The following FOCAD variants were observed in gnomAD, a reference collection of about 807,000 sequenced individuals.
The protein encoded by FOCAD is KIAA1797.
Under a neutral mutation model 225.6 loss-of-function variants are expected in FOCAD, and 198 were observed. The ratio of observed to expected loss-of-function variants is 0.88; its 90% confidence interval spans 0.78 to 0.99. FOCAD has a LOEUF of 0.99. FOCAD is among the 50% of genes least tolerant of loss of function. The probability of loss-of-function intolerance (pLI) is 0.00; values close to 1 mark genes in which losing one functional copy is unlikely to be tolerated. For missense variants in FOCAD, 2,713 were observed against 2,123.6 expected (o/e 1.28, Z -5.46); for synonymous variants, 897 against 755.0 (o/e 1.19, Z -3.08).
intron 8 of FOCAD, among the ~76,000 whole-genome samples, chr9:20,771,695 C>T (rs1023165641): frequency 1.3e-5 from 2 of 152,174 alleles, no homozygotes; most frequent in Admixed American, 1.3e-4. Flanking sequence ...GCAGAGGTTG[C>T]AGTGAGCCGA....
At chr9:20,804,774 A>C (rs1282860911) in intron 11 of FOCAD, among the ~76,000 whole-genome samples, 1 of 151,178 alleles carries the variant, frequency 6.6e-6, no homozygotes, top group African/African-American at 2.4e-5. Context: ...CTGGAATGAA[A>C]TATTTTAGCG....
chr9:20,658,414 G>A (rs975832873), exon 1 of FOCAD: 4 of 164,866 alleles, frequency 2.4e-5, no homozygotes, highest in African/African-American at 9.6e-5. Flanking sequence ...AGACTGCTGT[G>A]CTAGCAATCA....
chr9:20,985,578 G>T (rs1356435727), intron 39 of FOCAD, among the ~76,000 whole-genome samples: 1 of 152,092 alleles, frequency 6.6e-6, no homozygotes, highest in Non-Finnish European at 1.5e-5. Flanking sequence ...CAAGTAAATA[G>T]TGTTCTGTGA....
chr9:20,769,175 T>G (rs1817921818), intron 7 of FOCAD, among the ~76,000 whole-genome samples: 1 of 152,360 alleles, frequency 6.6e-6, no homozygotes, highest in South Asian at 2.1e-4. Flanking sequence ...CTCTTTGATC[T>G]TTTAATATCT....
chr9:20,687,089 G>A (rs552288804), intron 1 of FOCAD, among the ~76,000 whole-genome samples: 2 of 151,122 alleles, frequency 1.3e-5, no homozygotes, highest in Admixed American at 6.6e-5. Context: ...CATTTAATTA[G>A]TCTGAGTTAC....
At chr9:20,942,385 T>G (rs957656074) in intron 28 of FOCAD, among the ~76,000 whole-genome samples, 1 of 152,194 alleles carries the variant, frequency 6.6e-6, no homozygotes. Flanking sequence ...ACATACTTCC[T>G]TGTTTATTCA....
intron 1 of FOCAD, among the ~76,000 whole-genome samples, chr9:20,699,642 G>T (rs565170939): frequency 6.8e-6 from 1 of 147,624 alleles, no homozygotes; most frequent in East Asian, 2.0e-4. Context: ...GGAGGCTGAG[G>T]CAGGAGAATG....
chr9:20,789,144 T>C (rs1198799885), intron 10 of FOCAD, among the ~76,000 whole-genome samples: 1 of 152,172 alleles, frequency 6.6e-6, no homozygotes, highest in Non-Finnish European at 1.5e-5. Flanking sequence ...ATAAAACTCT[T>C]CTGGAGTTCC....
chr9:20,975,180 T>C (rs1019035378), intron 35 of FOCAD, among the ~76,000 whole-genome samples: 3 of 152,172 alleles, frequency 2.0e-5, no homozygotes, highest in Admixed American at 2.0e-4. Context: ...TTTTAATGTG[T>C]TATACTATTT....
intron 24 of FOCAD, among the ~76,000 whole-genome samples, chr9:20,920,263 A>G (rs1469145579): frequency 6.9e-6 from 1 of 145,550 alleles, no homozygotes. Context: ...CCACAATGAG[A>G]TACCATCTCA....
intron 37 of FOCAD, among the ~76,000 whole-genome samples, chr9:20,979,564 C>T (rs1406551242): frequency 1.3e-5 from 2 of 152,180 alleles, no homozygotes. Flanking sequence ...GTTTCGAACT[C>T]CTGACCTCAA....
At chr9:20,675,957 G>A (rs761101760) in intron 2 of FOCAD, among the ~76,000 whole-genome samples, 21 of 152,154 alleles carry the variant, frequency 1.4e-4, no homozygotes, top group Non-Finnish European at 2.2e-4. Context: ...AATCGTCTGC[G>A]TAGAACAACT....
upstream of FOCAD, among the ~76,000 whole-genome samples, chr9:20,680,463 C>T (rs1053792845): frequency 1.3e-5 from 2 of 152,114 alleles, no homozygotes; most frequent in African/African-American, 2.4e-5. Context: ...GAGGCTGAGG[C>T]AGGAGAATTG....
chr9:20,803,242 A>G (rs1822036593), intron 11 of FOCAD, among the ~76,000 whole-genome samples: 1 of 152,060 alleles, frequency 6.6e-6, no homozygotes, highest in Non-Finnish European at 1.5e-5. Context: ...AAGTTGCTAG[A>G]GGGTTATGAG....
intron 4 of FOCAD, among the ~76,000 whole-genome samples, chr9:20,725,462 T>C (rs530168279): frequency 1.3e-5 from 2 of 152,232 alleles, no homozygotes; most frequent in East Asian, 1.9e-4. Flanking sequence ...AAAAAGCCAA[T>C]AGTGAGAAAC....
intron 19 of FOCAD, among the ~76,000 whole-genome samples, chr9:20,878,466 A>G (rs1243651122): frequency 1.3e-5 from 2 of 152,196 alleles, no homozygotes; most frequent in African/African-American, 2.4e-5. Flanking sequence ...TGCATCAATA[A>G]TAATTAACTT....
At chr9:20,990,049 G>C in intron 41 of FOCAD, 74 bp from the exon 42 acceptor site, 1 of 1,564,610 alleles carries the variant, frequency 6.4e-7, no homozygotes, top group Non-Finnish European at 8.7e-7. Context: ...CACGACAGGG[G>C]CTGTGTATGT....
In FOCAD at chr9:20,882,019, A is replaced by C. The variant is rs1000848628; in HGVS notation, c.2466A>C (p.Glu822Asp). Reference protein sequence around the residue: ...GIPNFILKMYETNKQPGLKPG... With the variant: ...GIPNFILKMYDTNKQPGLKPG... ...CCAATTTTATATTGAAAATGTATGA[A>C]ACAAACAAGCAACCAGGACTGAAAC... Residue 822 changes from glutamate to aspartate, a missense_variant, in exon 20 of 44, where the codon GAA becomes GAC. Glu to Asp is a conservative substitution (Grantham distance 45). Coordinates refer to ENST00000338382, the MANE Select transcript of FOCAD (RefSeq NM_001375567.1). 3 of 1,613,886 alleles carry C rather than the reference A, an allele frequency of 1.9e-6. No individual in the cohort carries two copies. Among genetic ancestry groups the C allele is most frequent in the Non-Finnish European group, 2.5e-6 (3 of 1,179,868 alleles).
intron 41 of FOCAD, among the ~76,000 whole-genome samples, chr9:20,989,246 T>C (rs1841448103): frequency 6.6e-6 from 1 of 152,188 alleles, no homozygotes; most frequent in South Asian, 2.1e-4. Context: ...AAATTTTAAT[T>C]TGTGAGTTTA....
Sources: allele counts gnomAD v4.1 joint callset (sites outside exome capture counted in the v4.1 genomes callset), GRCh38; gene constraint gnomAD v4.1.1; transcripts MANE v1.5; gene names NCBI Gene and HGNC (gene_info 2026-07-23, HGNC 2026-07-21).